Variants in DIPK1A observed in about 807,000 individuals in gnomAD.
The protein encoded by DIPK1A is divergent protein kinase domain 1A.
Under a neutral mutation model 40.8 loss-of-function variants are expected in DIPK1A, and 27 were observed. The observed-to-expected ratio is 0.66, with a 90% CI of 0.49 to 0.91. DIPK1A has a LOEUF of 0.91. Among genes scored for constraint, DIPK1A ranks in the 40% least tolerant of loss-of-function variants. The pLI is 0.00. For synonymous variants in DIPK1A, 166 were observed against 171.3 expected (o/e 0.97, Z 0.24); for missense variants, 412 against 505.7 (o/e 0.81, Z 1.78).
chr1:92,958,175 A>T (rs1480192784), intron 1 of DIPK1A, among the ~76,000 whole-genome samples: 1 of 152,242 alleles, frequency 6.6e-6, no homozygotes, highest in African/African-American at 2.4e-5. Flanking sequence ...AGGTGCCTGC[A>T]TTAGCTCATG....
At chr1:92,844,940 C>CTTTT (rs71094206) in intron 4 of DIPK1A, among the ~76,000 whole-genome samples, 16 of 94,050 alleles carry the variant, frequency 1.7e-4, no homozygotes, top group Admixed American at 2.8e-4. Context: ...ATTAGTATTT[C>CTTTT]TTTTTTTTTT....
At chr1:92,848,553 C>A (rs1031553704) in intron 3 of DIPK1A, among the ~76,000 whole-genome samples, 2 of 152,234 alleles carry the variant, frequency 1.3e-5, no homozygotes, top group African/African-American at 4.8e-5. Flanking sequence ...TTAGACATTG[C>A]ATTTAGAAAG....
At position 92,957,584 on chromosome 1, in the gene DIPK1A, T is replaced by G. The variant is rs1651903617; in HGVS notation, c.54+3792A>C. ...TAGCCCACAGAGAGGCTGCACAGAC[T>G]AACAGTGTGCCTGCCCAGCTCCCCT... On this transcript the variant is annotated intron_variant, in intron 1 of 4. Coordinates refer to ENST00000370310, the MANE Select transcript of DIPK1A (RefSeq NM_001006605.5). Among the ~76,000 whole-genome samples the G allele has an allele frequency of 3.9e-5, 6 of 152,316 alleles. No homozygotes were observed. In the South Asian group the frequency reaches 1.2e-3, roughly 32 times the overall value.
chr1:92,908,197 CAG>C (rs1649698980), intron 1 of DIPK1A, among the ~76,000 whole-genome samples: 1 of 152,128 alleles, frequency 6.6e-6, no homozygotes, highest in Non-Finnish European at 1.5e-5. Context: ...GCAGGAAAAA[CAG>C]AGGTCAGAAC....
intron 2 of DIPK1A, among the ~76,000 whole-genome samples, chr1:92,860,781 CT>C (rs1647228557): frequency 6.6e-6 from 1 of 150,444 alleles, no homozygotes; most frequent in South Asian, 2.1e-4. Context: ...AAGACTGCAT[CT>C]CAAAAAAAAG....
chr1:92,917,175 CT>C (rs545389951), intron 1 of DIPK1A, among the ~76,000 whole-genome samples: 101 of 152,290 alleles, frequency 6.6e-4, no homozygotes, highest in African/African-American at 2.3e-3. Context: ...ACTCTTCCCC[CT>C]ATGTTGACTT....
chr1:92,881,326 C>CAAA (rs3042466), intron 1 of DIPK1A, among the ~76,000 whole-genome samples: 16 of 112,782 alleles, frequency 1.4e-4, no homozygotes, highest in Admixed American at 1.9e-4. Context: ...GACTCTGTCT[C>CAAA]AAAAAAAAAA....
At chr1:92,899,656 A>G (rs1649328429) in intron 1 of DIPK1A, among the ~76,000 whole-genome samples, 1 of 151,544 alleles carries the variant, frequency 6.6e-6, no homozygotes, top group Non-Finnish European at 1.5e-5. Context: ...AATGTTTATC[A>G]TTGTCATTTG....
Position 92,843,266 on chromosome 1 carries a change from C to T in DIPK1A, c.*117G>A, listed in dbSNP as rs889395893. On this transcript the variant is annotated 3_prime_UTR_variant, in exon 5 of 5. Transcript: ENST00000370310. ...GATCACATACTGATGGCTTCTCAGG[C>T]CTGGGGGGAAGGAGTTTTGTGTAAC... The T allele has an allele frequency of 2.0e-5, 29 of 1,450,062 alleles. No individual in the cohort carries two copies. Among genetic ancestry groups the T allele is most frequent in the East Asian group, 7.5e-5 (3 of 40,046 alleles). 89.8% of individuals were successfully genotyped at this position (1,450,062 alleles called of 1,614,324 possible). A position where few individuals can be genotyped will look rare whatever the true frequency, so the allele number is the denominator to read the frequency against.
intron 2 of DIPK1A, among the ~76,000 whole-genome samples, chr1:92,867,598 C>T (rs1647615034): frequency 6.6e-6 from 1 of 152,098 alleles, no homozygotes; most frequent in Non-Finnish European, 1.5e-5. Flanking sequence ...CTCTGCCTCC[C>T]AGGTTCAAGC....
chr1:92,833,088 A>G (rs374703782), intron 4 of DIPK1A: 29 of 708,882 alleles, frequency 4.1e-5, no homozygotes, highest in African/African-American at 3.8e-4. Flanking sequence ...TGAAAGCAAT[A>G]TAACAATAAT....
rs985549421 is a variant in DIPK1A, at chr1:92,895,238, C to T, written c.55-18808G>A. 2.6e-4 allele frequency among the ~76,000 whole-genome samples: 40 copies of T among 152,012 alleles called. 1 individual carries two copies. The South Asian group carries it at 5.6e-3, about 21-fold the overall frequency. ...TTAGACCAATATCCCTGATGAACAT[C>T]GATGCAAAAATCCTCAATAAAATAC... On this transcript the variant is annotated intron_variant, in intron 1 of 4. Coordinates refer to ENST00000370310, the MANE Select transcript of DIPK1A (RefSeq NM_001006605.5).
intron 1 of DIPK1A, among the ~76,000 whole-genome samples, chr1:92,924,287 C>A (rs1341720341): frequency 6.6e-6 from 1 of 151,652 alleles, no homozygotes; most frequent in African/African-American, 2.4e-5. Context: ...GAATAGGGAG[C>A]TTTTACTTCT....
intron 1 of DIPK1A, among the ~76,000 whole-genome samples, chr1:92,911,711 C>CA (rs1190308712): frequency 6.6e-6 from 1 of 151,956 alleles, no homozygotes; most frequent in African/African-American, 2.4e-5. Flanking sequence ...ATGAAAGTTA[C>CA]ATGTTTAGGC....
intron 1 of DIPK1A, among the ~76,000 whole-genome samples, chr1:92,897,414 AC>A (rs1255783926): frequency 6.6e-6 from 1 of 152,114 alleles, no homozygotes; most frequent in African/African-American, 2.4e-5. Flanking sequence ...GACAAAAAAA[AC>A]AAACACCGCA....
chr1:92,837,940 T>C (rs575663711), downstream of DIPK1A, among the ~76,000 whole-genome samples: 10 of 152,364 alleles, frequency 6.6e-5, no homozygotes, highest in East Asian at 1.9e-3. Flanking sequence ...TGATACCATC[T>C]GGGAGGAAAG....
At chr1:92,923,591 G>A (rs896541614) in intron 1 of DIPK1A, among the ~76,000 whole-genome samples, 2 of 152,076 alleles carry the variant, frequency 1.3e-5, no homozygotes, top group Admixed American at 1.3e-4. Flanking sequence ...TGTTCCCTTT[G>A]TTCTGAAAGT....
At chr1:92,864,823 T>C (rs2100753724) in intron 2 of DIPK1A, among the ~76,000 whole-genome samples, 1 of 152,210 alleles carries the variant, frequency 6.6e-6, no homozygotes, top group African/African-American at 2.4e-5. Context: ...GCAGATTACC[T>C]GAGATCAGGG....
At chr1:92,836,430 G>A (rs745715525) in intron 4 of DIPK1A, 7 of 1,576,176 alleles carry the variant, frequency 4.4e-6, no homozygotes, top group Non-Finnish European at 6.1e-6. Flanking sequence ...CCTGGACCGT[G>A]GTACTTCCCT....
Sources: gnomAD v4.1 joint callset for allele counts (sites outside exome capture counted in the v4.1 genomes callset) on GRCh38, gnomAD v4.1.1 for gene constraint, MANE v1.5 for transcripts, NCBI Gene and HGNC (gene_info 2026-07-23, HGNC 2026-07-21) for gene names.